CD276: variants seen among roughly 807,000 people sequenced by gnomAD.
CD276 encodes CD276 antigen.
Under a neutral mutation model 50.0 loss-of-function variants are expected in CD276, and 34 were observed. That is an observed-to-expected ratio of 0.68 (90% CI 0.52 to 0.91). The LOEUF (loss-of-function observed/expected upper bound fraction) is 0.91, where lower values mean the gene tolerates loss of function less well. Among genes scored for constraint, CD276 ranks in the 40% least tolerant of loss-of-function variants. The pLI, the probability that CD276 is intolerant of heterozygous loss-of-function variation, is 0.00. For synonymous variants in CD276, 275 were observed against 313.0 expected, an observed-to-expected ratio of 0.88 and a Z score of 1.28; for missense variants, 634 against 717.5, an observed-to-expected ratio of 0.88 and a Z score of 1.33.
chr15:73,697,494 A>C (rs1407626232), intron 1 of CD276: 1 of 152,078 alleles, frequency 6.6e-6, no homozygotes, highest in African/African-American at 2.4e-5. Flanking sequence ...AAGGTGTAGC[A>C]GAATTGGACT....
chr15:73,686,941 G>T (rs937227758), intron 1 of CD276, among the ~76,000 whole-genome samples: 3 of 152,174 alleles, frequency 2.0e-5, no homozygotes, highest in Non-Finnish European at 4.4e-5. Flanking sequence ...CTCTGAGTGG[G>T]TGGCGACTTC....
chr15:73,702,635 C>T lies in CD276; in HGVS notation c.418+42C>T, dbSNP rs1480439109. ...GGACGCCTTCCCCTTAGTTCACCCT[C>T]CATTCCCCCTGCAGCCCACCCCCTG... On this transcript the variant is annotated intron_variant, in intron 3 of 9. Coordinates refer to ENST00000318443, the MANE Select transcript of CD276 (RefSeq NM_001024736.2). 1.9e-6 allele frequency: 3 copies of T among 1,577,768 alleles called. No individual in the cohort carries two copies. In the Admixed American group the frequency reaches 5.2e-5, roughly 27 times the overall value.
chr15:73,691,465 T>G (rs1334248070), intron 1 of CD276, among the ~76,000 whole-genome samples: 1 of 152,232 alleles, frequency 6.6e-6, no homozygotes, highest in Non-Finnish European at 1.5e-5. Context: ...TTTTGATGGC[T>G]GCAGCAGCAA....
intron 8 of CD276, among the ~76,000 whole-genome samples, chr15:73,710,477 T>C (rs1368116836): frequency 6.6e-6 from 1 of 152,178 alleles, no homozygotes; most frequent in Non-Finnish European, 1.5e-5. Context: ...CATGGCCGAC[T>C]CCCAGGGGAT....
At chr15:73,698,519 C>T (rs1309420805) in intron 1 of CD276, among the ~76,000 whole-genome samples, 2 of 152,124 alleles carry the variant, frequency 1.3e-5, no homozygotes, top group Non-Finnish European at 2.9e-5. Flanking sequence ...TCATTTATTC[C>T]ACCACTATAC....
At chr15:73,708,628 T>C (rs1486606785) in intron 7 of CD276, 155 bp downstream of exon 7, 1 of 829,788 alleles carries the variant, frequency 1.2e-6, no homozygotes, top group Admixed American at 2.4e-5. Context: ...ACCTTGAGTC[T>C]ACGTCTTGTG....
chr15:73,708,265 T>C (rs1017821734), intron 6 of CD276, 74 bp from the exon 7 acceptor site: 3 of 1,555,096 alleles, frequency 1.9e-6, no homozygotes, highest in Admixed American at 3.6e-5. Context: ...TGTTCACACT[T>C]GGAGCCAATG....
Position 73,692,678 on chromosome 15 carries a change from T to A in CD276, c.-54-6908T>A, listed in dbSNP as rs1900029989. Among the ~76,000 whole-genome samples, 3 of 152,374 alleles carry A rather than the reference T, an allele frequency of 2.0e-5. No homozygotes were observed. The South Asian group carries it at 6.2e-4, about 32-fold the overall frequency. ...CTCCCAACTTGAGAATGAGAACCCC[T>A]GTAGTTGAATATTTATATGTACGAT... On this transcript the variant is annotated intron_variant, in intron 1 of 9. Coordinates refer to ENST00000318443, the MANE Select transcript of CD276 (RefSeq NM_001024736.2).
rs772709455 is a variant in CD276, at chr15:73,708,457, TGAG to T, written c.1495_1497del (p.Glu499del). On this transcript the variant is annotated inframe_deletion, in exon 7 of 10. Transcript: ENST00000318443. ...GCTGGAGAAAGATCAAACAGAGCTG[TGAG>T]GAGGAGAATGCAGGTGAGTGTGTGT... 1.3e-5 allele frequency: 21 copies of T among 1,613,562 alleles called. No individual in the cohort carries two copies. The highest frequency in any genetic ancestry group is 8.0e-5 in the African/African-American group (6 of 74,984).
chr15:73,695,608 A>G (rs1429171562), intron 1 of CD276, among the ~76,000 whole-genome samples: 1 of 152,170 alleles, frequency 6.6e-6, no homozygotes, highest in Non-Finnish European at 1.5e-5. Flanking sequence ...CTCCGTAAGT[A>G]GTGAAATGAA....
In CD276 at chr15:73,713,457, T is replaced by A. The variant is rs1476516101; in HGVS notation, c.*501T>A. On this transcript the variant is annotated 3_prime_UTR_variant, in exon 10 of 10. Coordinates refer to ENST00000318443, the MANE Select transcript of CD276 (RefSeq NM_001024736.2). ...ATGTTCAGCCCTGCTTCCACCTGCA[T>A]AGAATCTTTTCTTCTCAGACAGGGA... is the stretch of plus-strand genomic sequence containing the variant. 7.2e-6 allele frequency: 2 copies of A among 278,210 alleles called. No individual in the cohort carries two copies. The highest frequency in any genetic ancestry group is 4.7e-5 in the African/African-American group (2 of 42,348). The allele number at this position is 278,210 out of a possible 1,614,324, so 17.2% of individuals were successfully genotyped here.
At chr15:73,686,445 C>T (rs534958242) in intron 1 of CD276, 1 of 211,496 alleles carries the variant, frequency 4.7e-6, no homozygotes, top group African/African-American at 2.3e-5. Flanking sequence ...GTTCATATAC[C>T]TGACAGCTGG....
intron 1 of CD276, among the ~76,000 whole-genome samples, chr15:73,698,997 A>G (rs1007780242): frequency 7.9e-5 from 12 of 152,232 alleles, no homozygotes; most frequent in African/African-American, 2.9e-4. Context: ...CATTACTCAT[A>G]GAAAAACCCA....
intron 1 of CD276, 95 bp from the exon 2 acceptor site, chr15:73,699,491 T>G: frequency 3.4e-6 from 5 of 1,481,046 alleles, no homozygotes; most frequent in Non-Finnish European, 4.5e-6. Flanking sequence ...AGTGGGCAGT[T>G]GCAGCCTTCC....
intron 1 of CD276, among the ~76,000 whole-genome samples, chr15:73,689,413 A>G (rs1899901931): frequency 6.6e-6 from 1 of 152,000 alleles, no homozygotes; most frequent in Non-Finnish European, 1.5e-5. Context: ...GGGACTGGGG[A>G]GTGGTGCCCA....
chr15:73,690,611 G>A (rs543182086), intron 1 of CD276: 23 of 447,634 alleles, frequency 5.1e-5, no homozygotes, highest in African/African-American at 2.8e-4. Flanking sequence ...CAGCACTTAC[G>A]CTTTTATCAG....
At chr15:73,688,638 G>A (rs2141533403) in intron 1 of CD276, among the ~76,000 whole-genome samples, 1 of 152,322 alleles carries the variant, frequency 6.6e-6, no homozygotes, top group Non-Finnish European at 1.5e-5. Flanking sequence ...GCTGATAATT[G>A]AGTGTGGGCC....
chr15:73,713,832 A>G lies in CD276; in HGVS notation c.*876A>G, dbSNP rs533809963. On this transcript the variant is annotated 3_prime_UTR_variant, in exon 10 of 10. Transcript: ENST00000318443. Reference sequence around the variant, plus strand: ...CCTCTTTGTTCCTTTCTTTTCATGTATCCATTCAGTTGATGTTTATTGAGC... The same window carrying G: ...CCTCTTTGTTCCTTTCTTTTCATGTGTCCATTCAGTTGATGTTTATTGAGC... The G allele has an allele frequency of 2.3e-5, 10 of 444,208 alleles. No homozygotes were observed. The Admixed American group carries it at 2.5e-4, about 11-fold the overall frequency. The allele number at this position is 444,208 out of a possible 1,614,324, so 27.5% of individuals were successfully genotyped here.
In CD276 at chr15:73,714,107, G is replaced by A. The variant is rs1901029304; in HGVS notation, c.*1151G>A. 3.5e-6 allele frequency: 1 copy of A among 286,154 alleles called. No homozygotes were observed. The highest frequency in any genetic ancestry group is 6.6e-6 in the Non-Finnish European group (1 of 151,488). 17.7% of individuals were successfully genotyped at this position (286,154 alleles called of 1,614,324 possible). On this transcript the variant is annotated 3_prime_UTR_variant, in exon 10 of 10. Coordinates refer to ENST00000318443, the MANE Select transcript of CD276 (RefSeq NM_001024736.2). ...TGGGGTTGGGGCGGAAACCTGGAGA[G>A]AGGGACATAGCCCCTCGCCACGGCT...
Sources: allele counts gnomAD v4.1 joint callset (sites outside exome capture counted in the v4.1 genomes callset), GRCh38; gene constraint gnomAD v4.1.1; transcripts MANE v1.5; gene names NCBI Gene and HGNC (gene_info 2026-07-23, HGNC 2026-07-21).